Variants in NXPH2 observed in about 807,000 individuals in gnomAD.
NXPH2 encodes the protein neurexophilin-2.
In NXPH2, 5 loss-of-function variants were observed where a neutral mutation model predicts 19.8. The ratio of observed to expected loss-of-function variants is 0.25; its 90% confidence interval spans 0.13 to 0.53. The LOEUF (loss-of-function observed/expected upper bound fraction) is 0.53, where lower values mean the gene tolerates loss of function less well. NXPH2 is among the 20% of genes least tolerant of loss of function. The pLI, the probability that NXPH2 is intolerant of heterozygous loss-of-function variation, is 0.96. For synonymous variants in NXPH2, 154 were observed against 127.4 expected, an observed-to-expected ratio of 1.21 and a Z score of -1.41; for missense variants, 289 against 322.8, an observed-to-expected ratio of 0.90 and a Z score of 0.80.
At chr2:138,717,028 G>T (rs1486841425) in intron 1 of NXPH2, among the ~76,000 whole-genome samples, 1 of 152,114 alleles carries the variant, frequency 6.6e-6, no homozygotes, top group Admixed American at 6.6e-5. Flanking sequence ...TTAAAAGAAA[G>T]AATTCTTTGG....
In NXPH2 at chr2:138,780,180, CG is replaced by C; in HGVS notation, c.51+10del. 1.3e-6 allele frequency: 2 copies of C among 1,490,024 alleles called. No individual in the cohort carries two copies. The highest frequency in any genetic ancestry group is 1.8e-6 in the Non-Finnish European group (2 of 1,128,106). The allele number at this position is 1,490,024 out of a possible 1,614,324, so 92.3% of individuals were successfully genotyped here. On this transcript the variant is annotated intron_variant, in intron 1 of 1. Transcript: ENST00000272641. ...CCGGCGTGTGGGACGGCGCGCGGGC[CG>C]GGCACTCACCAGCTGCAGCAAGCCA...
intron 1 of NXPH2, among the ~76,000 whole-genome samples, chr2:138,765,581 T>A (rs1682078189): frequency 6.6e-6 from 1 of 152,016 alleles, no homozygotes; most frequent in African/African-American, 2.4e-5. Flanking sequence ...AAAAATAGAG[T>A]AACTCACAGT....
At position 138,671,261 on chromosome 2, in the gene NXPH2, G is replaced by A; in HGVS notation, c.456C>T (p.Gly152=). ...FSVYFRHNST[G]LGNVSVSLVP... ...CCAAGCTCACTGAAACATTGCCCAG[G>A]CCTGTTGAATTATGTCGGAAATACA... Residue 152 remains glycine, a synonymous_variant, in exon 2 of 2, where the codon GGC becomes GGT. Coordinates refer to ENST00000272641, the MANE Select transcript of NXPH2 (RefSeq NM_007226.3). 1 of 1,613,890 alleles carries A rather than the reference G, an allele frequency of 6.2e-7. No homozygotes were observed. Among genetic ancestry groups the A allele is most frequent in the Non-Finnish European group, 8.5e-7 (1 of 1,179,842 alleles).
intron 1 of NXPH2, among the ~76,000 whole-genome samples, chr2:138,760,576 A>C (rs1681995291): frequency 6.6e-6 from 1 of 152,220 alleles, no homozygotes; most frequent in South Asian, 2.1e-4. Context: ...ACTAAGTAGA[A>C]CTAGCTCCCT....
intron 1 of NXPH2, among the ~76,000 whole-genome samples, chr2:138,715,324 G>A (rs1035026365): frequency 9.2e-5 from 14 of 152,180 alleles, no homozygotes; most frequent in African/African-American, 3.4e-4. Flanking sequence ...CAGTTATTTA[G>A]AGTAGAGTTT....
At chr2:138,739,278 C>T (rs183271914) in intron 1 of NXPH2, among the ~76,000 whole-genome samples, 161 of 152,246 alleles carry the variant, frequency 1.1e-3, no homozygotes, top group African/African-American at 3.8e-3. Context: ...AGAAAGAGAA[C>T]GAGGGCCACA....
chr2:138,776,831 T>C (rs1049573349), intron 1 of NXPH2, among the ~76,000 whole-genome samples: 1 of 152,016 alleles, frequency 6.6e-6, no homozygotes, highest in African/African-American at 2.4e-5. Context: ...TTATTAGTTT[T>C]AATGTAAGTA....
At chr2:138,724,071 C>T (rs1325593302) in intron 1 of NXPH2, among the ~76,000 whole-genome samples, 1 of 151,596 alleles carries the variant, frequency 6.6e-6, no homozygotes, top group Non-Finnish European at 1.5e-5. Context: ...AGTTATTTTT[C>T]CTGATCCTCT....
chr2:138,713,597 C>CTG (rs113220668), intron 1 of NXPH2, among the ~76,000 whole-genome samples: 10,646 of 149,564 alleles, frequency 0.071, 588 homozygotes, highest in African/African-American at 0.14. Context: ...AGAAAACGTT[C>CTG]TGTGTGTGTG....
chr2:138,676,481 C>T (rs950691012), intron 1 of NXPH2, among the ~76,000 whole-genome samples: 16 of 152,166 alleles, frequency 1.1e-4, no homozygotes, highest in Non-Finnish European at 1.9e-4. Context: ...CTCCCCACTG[C>T]TTACCCATGT....
chr2:138,675,341 G>A (rs1680470857), intron 1 of NXPH2, among the ~76,000 whole-genome samples: 1 of 151,686 alleles, frequency 6.6e-6, no homozygotes, highest in South Asian at 2.1e-4. Context: ...TCACATTACT[G>A]ATAAACTCAT....
chr2:138,770,274 A>T (rs545360306), intron 1 of NXPH2, among the ~76,000 whole-genome samples: 1 of 152,268 alleles, frequency 6.6e-6, no homozygotes, highest in East Asian at 1.9e-4. Flanking sequence ...TTATACAAAA[A>T]TCTGGCATGT....
chr2:138,738,540 A>G (rs1195875148), intron 1 of NXPH2, among the ~76,000 whole-genome samples: 2 of 152,234 alleles, frequency 1.3e-5, no homozygotes, highest in Non-Finnish European at 2.9e-5. Context: ...AAGGATTTTC[A>G]TGGCACTGAT....
intron 1 of NXPH2, among the ~76,000 whole-genome samples, chr2:138,750,400 G>A (rs963086237): frequency 2.0e-5 from 3 of 151,910 alleles, no homozygotes; most frequent in African/African-American, 7.3e-5. Flanking sequence ...GAAGGATTAA[G>A]TAATTCATCA....
intron 1 of NXPH2, among the ~76,000 whole-genome samples, chr2:138,776,289 C>CA (rs1253337119): frequency 6.6e-6 from 1 of 151,842 alleles, no homozygotes; most frequent in Non-Finnish European, 1.5e-5. Flanking sequence ...AATTACTAAT[C>CA]AAAAACCATA....
chr2:138,708,053 G>T (rs1573961609), intron 1 of NXPH2, among the ~76,000 whole-genome samples: 2 of 152,204 alleles, frequency 1.3e-5, no homozygotes, highest in African/African-American at 4.8e-5. Context: ...AGATGCCAGG[G>T]CTGTCTCCTC....
intron 1 of NXPH2, among the ~76,000 whole-genome samples, chr2:138,719,705 T>TC (rs1348764337): frequency 6.6e-6 from 1 of 152,064 alleles, no homozygotes; most frequent in Non-Finnish European, 1.5e-5. Context: ...CAAGACCTCA[T>TC]CCCCTCAAAA....
chr2:138,758,164 A>G (rs1305128524), intron 1 of NXPH2, among the ~76,000 whole-genome samples: 1 of 152,142 alleles, frequency 6.6e-6, no homozygotes, highest in East Asian at 1.9e-4. Context: ...CTCAAGAAAA[A>G]TGAAAAATCA....
At chr2:138,737,271 A>G (rs1314894293) in intron 1 of NXPH2, among the ~76,000 whole-genome samples, 7 of 152,298 alleles carry the variant, frequency 4.6e-5, no homozygotes, top group South Asian at 2.1e-4. Flanking sequence ...ACAGTTCCAC[A>G]TAGCTGGGGA....
Sources: allele counts gnomAD v4.1 joint callset (sites outside exome capture counted in the v4.1 genomes callset), GRCh38; gene constraint gnomAD v4.1.1; transcripts MANE v1.5; gene names NCBI Gene and HGNC (gene_info 2026-07-23, HGNC 2026-07-21).